ZSWIM5: variants seen among roughly 807,000 people sequenced by gnomAD.
The protein encoded by ZSWIM5 is zinc finger SWIM domain-containing protein 5.
A neutral mutation model predicts 119.6 loss-of-function variants in ZSWIM5; 55 were observed. The observed-to-expected ratio is 0.46, with a 90% CI of 0.37 to 0.58. ZSWIM5 has a LOEUF of 0.58. ZSWIM5 is among the 20% of genes least tolerant of loss of function. The pLI, the probability that ZSWIM5 is intolerant of heterozygous loss-of-function variation, is 0.00. For synonymous variants in ZSWIM5, 537 were observed against 606.9 expected, an observed-to-expected ratio of 0.88 and a Z score of 1.69; for missense variants, 1,193 against 1,512.8, an observed-to-expected ratio of 0.79 and a Z score of 3.51.
In ZSWIM5 at chr1:45,205,976, A is replaced by T; in HGVS notation, c.375T>A (p.Ala125=). The T allele has an allele frequency of 7.1e-7, 1 of 1,402,150 alleles. No individual in the cohort carries two copies. Among genetic ancestry groups the T allele is most frequent in the Non-Finnish European group, 9.3e-7 (1 of 1,075,726 alleles). 86.9% of individuals were successfully genotyped at this position (1,402,150 alleles called of 1,614,324 possible). ...GCGAAGCCCCCGCGGCGCCGCCAGC[A>T]GCGCCGGCGCCGGGGCCGCCCCGGT... ...FQYRGGPGAG[A]AGGAAGASPA... Residue 125 remains alanine, a synonymous_variant, in exon 1 of 14, where the codon GCT becomes GCA. Transcript: ENST00000359600.
At position 45,070,384 on chromosome 1, in the gene ZSWIM5, T is replaced by A. The variant is rs1570056297; in HGVS notation, c.953-10137A>T. The A allele has an allele frequency of 5.6e-6, 8 of 1,427,748 alleles. No homozygotes were observed. The East Asian group carries it at 1.6e-4, about 29-fold the overall frequency. 88.4% of individuals were successfully genotyped at this position (1,427,748 alleles called of 1,614,324 possible). ...CAGGGTGGCTTCTTCAGCTTCAGGT[T>A]AGGACATTCGAGCACAAAGAACGGG... On this transcript the variant is annotated intron_variant, in intron 2 of 13. Coordinates refer to ENST00000359600, the MANE Select transcript of ZSWIM5 (RefSeq NM_020883.2).
chr1:45,142,221 A>G lies in ZSWIM5; in HGVS notation c.596-53984T>C, dbSNP rs575583252. 2.6e-5 allele frequency among the ~76,000 whole-genome samples: 4 copies of G among 152,364 alleles called. No homozygotes were observed. In the East Asian group the frequency reaches 7.7e-4, roughly 29 times the overall value. ...GTGAGGCCCTGTCTCAAAAAAATTA[A>G]TAAATAAAAAGAATTATTAGAGATA... On this transcript the variant is annotated intron_variant, in intron 1 of 13. Transcript: ENST00000359600.
At chr1:45,024,800 G>T (rs892159132) in intron 11 of ZSWIM5, among the ~76,000 whole-genome samples, 2 of 152,020 alleles carry the variant, frequency 1.3e-5, no homozygotes, top group African/African-American at 4.8e-5. Context: ...GATTACAGAT[G>T]CGTGATACCA....
intron 2 of ZSWIM5, among the ~76,000 whole-genome samples, chr1:45,071,415 C>T (rs1305187150): frequency 1.3e-5 from 2 of 148,676 alleles, no homozygotes; most frequent in Non-Finnish European, 3.0e-5. Context: ...AGCATAATAA[C>T]CTCCAATTCC....
chr1:45,086,980 T>A (rs1372612221), intron 2 of ZSWIM5, among the ~76,000 whole-genome samples: 3 of 149,466 alleles, frequency 2.0e-5, no homozygotes, highest in Non-Finnish European at 3.0e-5. Context: ...ACCTCCCAGG[T>A]TCAAGCAATT....
chr1:45,156,416 C>T (rs1162072680), intron 1 of ZSWIM5, among the ~76,000 whole-genome samples: 1 of 150,578 alleles, frequency 6.6e-6, no homozygotes, highest in Non-Finnish European at 1.5e-5. Flanking sequence ...AACAAGTCTA[C>T]ATATGTACCC....
rs1387910637 is a variant in ZSWIM5 at position 45,085,524 on chromosome 1, G to GTTTTTTTTT, written c.952+2356_952+2357insAAAAAAAAA. Among the ~76,000 whole-genome samples the GTTTTTTTTT allele has an allele frequency of 4.7e-5, 6 of 128,940 alleles. 1 individual carries two copies. Among genetic ancestry groups the GTTTTTTTTT allele is most frequent in the African/African-American group, 1.4e-4 (5 of 34,602 alleles). 84.6% of individuals were successfully genotyped at this position (128,940 alleles called of 152,430 possible). On this transcript the variant is annotated intron_variant, in intron 2 of 13. Transcript: ENST00000359600. ...ATAAGTTCTAGTTTTAGGTTAGTTT[G>GTTTTTTTTT]TTTGTTTTTTTTTTTTTTTTTTTGC...
At chr1:45,193,938 G>GTGTGTATATATATA (rs766920512) in intron 1 of ZSWIM5, among the ~76,000 whole-genome samples, 5 of 146,208 alleles carry the variant, frequency 3.4e-5, no homozygotes, top group African/African-American at 1.3e-4. Context: ...GTGCATATGT[G>GTGTGTATATATATA]TATATATATA....
intron 1 of ZSWIM5, among the ~76,000 whole-genome samples, chr1:45,141,197 G>T (rs746587434): frequency 6.6e-6 from 1 of 152,186 alleles, no homozygotes; most frequent in Non-Finnish European, 1.5e-5. Context: ...GAAAAAGGGA[G>T]ACTTTCCTCT....
chr1:45,166,972 T>G (rs1645908952), intron 1 of ZSWIM5, among the ~76,000 whole-genome samples: 1 of 152,132 alleles, frequency 6.6e-6, no homozygotes, highest in African/African-American at 2.4e-5. Flanking sequence ...AAAAAACTAC[T>G]TTAAAGTTCA....
At chr1:45,040,715 G>A (rs1172324575) in intron 6 of ZSWIM5, among the ~76,000 whole-genome samples, 177 bp from the exon 7 acceptor site, 3 of 152,188 alleles carry the variant, frequency 2.0e-5, no homozygotes. Flanking sequence ...AATCACAGGT[G>A]ATATCTTGAA....
chr1:45,039,925 C>G (rs1437433625), intron 7 of ZSWIM5, among the ~76,000 whole-genome samples: 1 of 151,966 alleles, frequency 6.6e-6, no homozygotes, highest in African/African-American at 2.4e-5. Flanking sequence ...AGGCTGGTCT[C>G]GAACTCCCGA....
At chr1:45,184,151 A>G (rs1259625678) in intron 1 of ZSWIM5, among the ~76,000 whole-genome samples, 1 of 152,252 alleles carries the variant, frequency 6.6e-6, no homozygotes, top group Non-Finnish European at 1.5e-5. Flanking sequence ...TAAAAACCAC[A>G]TGATTATCTC....
chr1:45,074,105 T>C (rs958466647), intron 2 of ZSWIM5, among the ~76,000 whole-genome samples: 9 of 152,052 alleles, frequency 5.9e-5, no homozygotes, highest in African/African-American at 2.2e-4. Flanking sequence ...ATAAATGATC[T>C]TTTTAATGTA....
Position 45,066,433 on chromosome 1 carries a change from GGAA to G in ZSWIM5, c.953-6189_953-6187del, listed in dbSNP as rs1645184488. ...ACATGTACACATTTTTGTGTGGAAAGGAAGAAGAGTCAAAGAAGGCTTCTCTGA... is the reference window on the plus strand; with the variant it reads ...ACATGTACACATTTTTGTGTGGAAAGGAAGAGTCAAAGAAGGCTTCTCTGA... On this transcript the variant is annotated intron_variant, in intron 2 of 13. Transcript: ENST00000359600. Among the ~76,000 whole-genome samples the G allele has an allele frequency of 2.0e-5, 3 of 152,260 alleles. No individual in the cohort carries two copies. The South Asian group carries it at 6.2e-4, about 32-fold the overall frequency.
At chr1:45,117,995 G>GGAGGCAGAGCTTGCAGA (rs1157099694) in intron 1 of ZSWIM5, among the ~76,000 whole-genome samples, 6 of 151,984 alleles carry the variant, frequency 3.9e-5, no homozygotes, top group Admixed American at 6.6e-5. Flanking sequence ...CTTGAACCTG[G>GGAGGCAGAGCTTGCAGA]GAGGCAGAGC....
intron 1 of ZSWIM5, among the ~76,000 whole-genome samples, chr1:45,174,013 G>A (rs1427667383): frequency 2.6e-5 from 4 of 152,068 alleles, no homozygotes; most frequent in African/African-American, 7.2e-5. Flanking sequence ...AGTGGCTCAC[G>A]ACTGTAATGC....
intron 2 of ZSWIM5, among the ~76,000 whole-genome samples, chr1:45,065,615 G>T (rs1029245575): frequency 1.3e-5 from 2 of 152,156 alleles, no homozygotes; most frequent in Admixed American, 6.5e-5. Flanking sequence ...CTTCAAAAGG[G>T]TTTGTTTATT....
intron 1 of ZSWIM5, among the ~76,000 whole-genome samples, chr1:45,102,040 A>AAT (rs386366861): frequency 5.4e-5 from 4 of 74,040 alleles, no homozygotes; most frequent in African/African-American, 1.4e-4. Context: ...AAAGTATAAT[A>AAT]AAAAAAAAAA....
Sources: gnomAD v4.1 joint callset for allele counts (sites outside exome capture counted in the v4.1 genomes callset) on GRCh38, gnomAD v4.1.1 for gene constraint, MANE v1.5 for transcripts, NCBI Gene and HGNC (gene_info 2026-07-23, HGNC 2026-07-21) for gene names.